The following SPOP variants were observed in gnomAD, a reference collection of about 807,000 sequenced individuals.
SPOP encodes the protein speckle type BTB/POZ protein, also known as speckle-type POZ protein.
SPOP carries 11 observed loss-of-function variants against 45.6 expected under a neutral mutation model. That is an observed-to-expected ratio of 0.24 (90% CI 0.15 to 0.40). The LOEUF is 0.40. Ranked by LOEUF, SPOP falls within the 10% of genes least tolerant of loss-of-function variation. The pLI is 1.00. For synonymous variants in SPOP, 166 were observed against 166.3 expected, an observed-to-expected ratio of 1.00 and a Z score of 0.01; for missense variants, 152 against 465.6, an observed-to-expected ratio of 0.33 and a Z score of 6.20.
chr17:49,643,915 G>C (rs1392530192), intron 1 of SPOP, among the ~76,000 whole-genome samples: 1 of 148,108 alleles, frequency 6.8e-6, no homozygotes, highest in South Asian at 2.1e-4. Flanking sequence ...GAGCGACAGA[G>C]TGAGACCCGT....
At chr17:49,635,767 T>C (rs758337635) in intron 1 of SPOP, among the ~76,000 whole-genome samples, 9 of 151,404 alleles carry the variant, frequency 5.9e-5, no homozygotes, top group Non-Finnish European at 1.2e-4. Context: ...CCCGAGTAGC[T>C]GGGATTCAGG....
Position 49,649,396 on chromosome 17 carries a change from G to A in SPOP, c.-66-26520C>T, listed in dbSNP as rs574241696. Among the ~76,000 whole-genome samples the A allele has an allele frequency of 3.3e-5, 5 of 152,146 alleles. No homozygotes were observed. In the East Asian group the frequency reaches 9.8e-4, roughly 30 times the overall value. On this transcript the variant is annotated intron_variant, in intron 1 of 9. Coordinates refer to ENST00000504102, the MANE Select transcript of SPOP (RefSeq NM_001007228.2). ...TACTAAAAACACAAAAATTAGCTGG[G>A]CGTGGCGGCGCATGCCTGTAATCCC...
rs571168251 is a variant in SPOP at position 49,607,041 on chromosome 17, T to A, written c.837+209A>T. 7 of 498,016 alleles carry A rather than the reference T, an allele frequency of 1.4e-5. No individual in the cohort carries two copies. The South Asian group carries it at 2.5e-4, about 18-fold the overall frequency. 30.8% of individuals were successfully genotyped at this position (498,016 alleles called of 1,614,324 possible). The stretch of plus-strand genomic sequence containing the variant: ...CTTCTTTCCCATAGTTAGGTGATCA[T>A]ATAGTTTACTATTCAAAACAGGACA... On this transcript the variant is annotated intron_variant, in intron 8 of 9. Transcript: ENST00000504102.
chr17:49,629,126 C>A (rs1209339934), intron 1 of SPOP, among the ~76,000 whole-genome samples: 1 of 152,120 alleles, frequency 6.6e-6, no homozygotes, highest in Non-Finnish European at 1.5e-5. Context: ...CCTATAATCC[C>A]AGCTACTCAA....
chr17:49,660,234 C>A (rs900708546), intron 1 of SPOP, among the ~76,000 whole-genome samples: 1 of 152,232 alleles, frequency 6.6e-6, no homozygotes, highest in East Asian at 1.9e-4. Flanking sequence ...GGCCTCCTTG[C>A]TGGTTCCTTG....
At chr17:49,623,936 C>T (rs781082564) in intron 1 of SPOP, among the ~76,000 whole-genome samples, 1 of 152,124 alleles carries the variant, frequency 6.6e-6, no homozygotes, top group Non-Finnish European at 1.5e-5. Flanking sequence ...TCCATCCCAA[C>T]AATGTCAAAT....
intron 1 of SPOP, among the ~76,000 whole-genome samples, chr17:49,655,678 T>A (rs1363669237): frequency 6.6e-6 from 1 of 152,134 alleles, no homozygotes; most frequent in African/African-American, 2.4e-5. Flanking sequence ...CAAGATAAAA[T>A]AGGAACTCAG....
In SPOP at chr17:49,619,415, T is replaced by G. The variant is rs2143275440; in HGVS notation, c.201-30A>C. ...CCAAAACAGATAGAAAAAAAAAATG[T>G]CAAAAGCATCCATTTTGATAGAACT... On this transcript the variant is annotated intron_variant, in intron 3 of 9. Transcript: ENST00000504102. This position sits in a 1 kb window ranked among gnomAD's most constrained non-coding sequence, Gnocchi z 4.9. 3 of 1,581,272 alleles carry G rather than the reference T, an allele frequency of 1.9e-6. No individual in the cohort carries two copies. Among genetic ancestry groups the G allele is most frequent in the Non-Finnish European group, 2.6e-6 (3 of 1,167,506 alleles).
intron 8 of SPOP, 145 bp downstream of exon 8, chr17:49,607,105 G>T: frequency 1.1e-6 from 1 of 913,984 alleles, no homozygotes; most frequent in Non-Finnish European, 1.6e-6. Flanking sequence ...TAATTGTGTT[G>T]GAATAATATG....
chr17:49,662,939 G>A (rs1350507621), intron 1 of SPOP, among the ~76,000 whole-genome samples: 1 of 152,134 alleles, frequency 6.6e-6, no homozygotes, highest in Non-Finnish European at 1.5e-5. Context: ...GATTCCTGGA[G>A]GTCCCTTTCA....
intron 5 of SPOP, among the ~76,000 whole-genome samples, chr17:49,614,189 T>G (rs1330590837): frequency 6.6e-6 from 1 of 152,176 alleles, no homozygotes; most frequent in African/African-American, 2.4e-5. Flanking sequence ...AAACAGACAC[T>G]GCCTACAAAT....
rs936572928 is a variant in SPOP, at chr17:49,600,764, A to T, written c.981-242T>A. On this transcript the variant is annotated intron_variant, in intron 9 of 9. Coordinates refer to ENST00000504102, the MANE Select transcript of SPOP (RefSeq NM_001007228.2). This position sits in a 1 kb window ranked among gnomAD's most constrained non-coding sequence, Gnocchi z 4.2. The stretch of plus-strand genomic sequence containing the variant: ...CACTATATTCTCAAAAACAAAAAGC[A>T]GAATGTTCCCCAGGCCCCCAACACT... The T allele has an allele frequency of 2.0e-6, 1 of 494,176 alleles. No homozygotes were observed. The highest frequency in any genetic ancestry group is 3.7e-6 in the Non-Finnish European group (1 of 271,454). 30.6% of individuals were successfully genotyped at this position (494,176 alleles called of 1,614,324 possible). A position where few individuals can be genotyped will look rare whatever the true frequency, so the allele number is the denominator to read the frequency against.
intron 1 of SPOP, among the ~76,000 whole-genome samples, chr17:49,659,192 G>A (rs1447171052): frequency 1.3e-5 from 2 of 152,140 alleles, no homozygotes; most frequent in Admixed American, 6.6e-5. Flanking sequence ...CTCCCATGGT[G>A]AATCAATTTT....
chr17:49,637,555 T>C (rs1192946925), intron 1 of SPOP, among the ~76,000 whole-genome samples: 1 of 152,192 alleles, frequency 6.6e-6, no homozygotes, highest in East Asian at 1.9e-4. Context: ...TTTGTCATGT[T>C]GGCCAGACTG....
chr17:49,614,268 G>T (rs1567774918), intron 5 of SPOP, among the ~76,000 whole-genome samples: 1 of 151,972 alleles, frequency 6.6e-6, no homozygotes, highest in Non-Finnish European at 1.5e-5. Context: ...ATCAACAAAA[G>T]AATGAATAAA....
chr17:49,601,643 C>T, intron 9 of SPOP: 1 of 485,118 alleles, frequency 2.1e-6, no homozygotes, highest in Non-Finnish European at 3.6e-6. Flanking sequence ...ATTTTCATCA[C>T]TTCGATTCAC....
chr17:49,641,880 G>A (rs138360613), intron 1 of SPOP, among the ~76,000 whole-genome samples: 34 of 152,058 alleles, frequency 2.2e-4, no homozygotes, highest in East Asian at 1.7e-3. Flanking sequence ...AAAATTAGCC[G>A]GGTGTGGTAG....
intron 5 of SPOP, among the ~76,000 whole-genome samples, chr17:49,617,923 CAAAAAAAAA>C (rs907445153): frequency 7.2e-5 from 4 of 55,884 alleles, no homozygotes. Flanking sequence ...GACTCCGTCT[CAAAAAAAAA>C]AAAAAAAAAA....
At chr17:49,670,799 G>A (rs2073126315) in intron 1 of SPOP, among the ~76,000 whole-genome samples, 1 of 152,030 alleles carries the variant, frequency 6.6e-6, no homozygotes, top group Non-Finnish European at 1.5e-5. Flanking sequence ...CAGAGTTTAC[G>A]GCCTATCTGA....
Sources: gnomAD v4.1 joint callset for allele counts (sites outside exome capture counted in the v4.1 genomes callset) on GRCh38, gnomAD v4.1.1 for gene constraint, Gnocchi (gnomAD v3.1) non-coding constraint, MANE v1.5 for transcripts, NCBI Gene and HGNC (gene_info 2026-07-23, HGNC 2026-07-21) for gene names.